The following TYW1 variants were observed in gnomAD, a reference collection of about 807,000 sequenced individuals.
The protein encoded by TYW1 is tRNA-yW synthesizing protein 1 homolog.
In TYW1, 46 loss-of-function variants were observed where a neutral mutation model predicts 96.2. The observed-to-expected ratio is 0.48, with a 90% confidence interval of 0.38 to 0.61. The LOEUF (loss-of-function observed/expected upper bound fraction) is 0.61. Ranked by LOEUF, TYW1 falls within the 20% of genes least tolerant of loss-of-function variation. The pLI, the probability that TYW1 is intolerant of heterozygous loss-of-function variation, is 0.00. For missense variants in TYW1, 684 were observed against 909.6 expected (o/e 0.75, Z 3.19); for synonymous variants, 274 against 323.0 (o/e 0.85, Z 1.63).
At position 67,183,266 on chromosome 7, in the gene TYW1, G is replaced by C; in HGVS notation, c.1809+30G>C. 5 of 1,574,922 alleles carry C rather than the reference G, an allele frequency of 3.2e-6. No homozygotes were observed. The South Asian group carries it at 4.7e-5, about 15-fold the overall frequency. On this transcript the variant is annotated intron_variant, in intron 14 of 15. Coordinates refer to ENST00000359626, the MANE Select transcript of TYW1 (RefSeq NM_018264.4). ...GCCCCTGCTGACTCTGGTGGCTGTG[G>C]TGGAGTGACAAAGAATCGTGGTGCT...
intron 7 of TYW1, among the ~76,000 whole-genome samples, chr7:67,044,359 A>C (rs1162778198): frequency 6.6e-6 from 1 of 152,038 alleles, no homozygotes; most frequent in Non-Finnish European, 1.5e-5. Flanking sequence ...CAGCCTCCCA[A>C]AGTGCTGGGA....
intron 8 of TYW1, among the ~76,000 whole-genome samples, chr7:67,052,600 C>T (rs890510337): frequency 5.3e-5 from 8 of 152,244 alleles, no homozygotes; most frequent in Non-Finnish European, 1.2e-4. Flanking sequence ...TTTGTCATTT[C>T]TGGATCAGCT....
intron 13 of TYW1, among the ~76,000 whole-genome samples, chr7:67,122,897 C>A (rs930199575): frequency 5.3e-5 from 8 of 152,160 alleles, no homozygotes; most frequent in Admixed American, 3.9e-4. Flanking sequence ...CACTTTTGAA[C>A]ATTTTGAAAA....
chr7:67,068,312 G>A (rs542149496), intron 10 of TYW1, among the ~76,000 whole-genome samples: 4 of 152,176 alleles, frequency 2.6e-5, no homozygotes, highest in East Asian at 1.9e-4. Flanking sequence ...GTGAGCCACC[G>A]CACCCAGCCT....
At chr7:67,007,927 G>T (rs1242889472) in intron 3 of TYW1, among the ~76,000 whole-genome samples, 2 of 152,044 alleles carry the variant, frequency 1.3e-5, no homozygotes, top group Non-Finnish European at 2.9e-5. Flanking sequence ...GAGCCACCAC[G>T]CCTGGCCAAC....
At chr7:67,181,685 G>C (rs1449663078) in intron 13 of TYW1, among the ~76,000 whole-genome samples, 1 of 151,722 alleles carries the variant, frequency 6.6e-6, no homozygotes, top group Non-Finnish European at 1.5e-5. Context: ...GTGTTACCTG[G>C]GCATTTGCTA....
intron 15 of TYW1, among the ~76,000 whole-genome samples, chr7:67,209,327 C>G (rs1021874230): frequency 1.5e-4 from 23 of 152,284 alleles, no homozygotes; most frequent in Admixed American, 9.8e-4. Context: ...TCAGCTGTTT[C>G]TGGGCTTTCA....
chr7:67,206,750 A>C (rs1800814581), intron 15 of TYW1, among the ~76,000 whole-genome samples: 2 of 152,226 alleles, frequency 1.3e-5, no homozygotes, highest in South Asian at 2.1e-4. Flanking sequence ...AGAATACACT[A>C]AAATGATCAT....
intron 6 of TYW1, among the ~76,000 whole-genome samples, chr7:67,021,360 A>C (rs1424940427): frequency 2.6e-5 from 4 of 152,252 alleles, no homozygotes; most frequent in Non-Finnish European, 4.4e-5. Context: ...TTTATTCTCC[A>C]TCTGCTGGTA....
In TYW1 at chr7:66,996,872, G is replaced by A; in HGVS notation, c.-107G>A. The A allele has an allele frequency of 1.9e-6, 3 of 1,584,308 alleles. No homozygotes were observed. The highest frequency in any genetic ancestry group is 1.3e-5 in the African/African-American group (1 of 74,558). ...GCTGCCCACAGGTCTGCAGGCACTC[G>A]GTACGCCGCTAACGCGGCGAGGTAG... is the stretch of plus-strand genomic sequence containing the variant. On this transcript the variant is annotated 5_prime_UTR_variant, in exon 1 of 16. Coordinates refer to ENST00000359626, the MANE Select transcript of TYW1 (RefSeq NM_018264.4).
chr7:67,006,253 CCTT>C (rs1204030396), intron 3 of TYW1, among the ~76,000 whole-genome samples: 1 of 151,984 alleles, frequency 6.6e-6, no homozygotes, highest in African/African-American at 2.4e-5. Flanking sequence ...GGCACTGCCT[CCTT>C]CTCTCTCTTG....
intron 13 of TYW1, among the ~76,000 whole-genome samples, chr7:67,129,222 G>A (rs1462783787): frequency 6.6e-6 from 1 of 152,188 alleles, no homozygotes; most frequent in Non-Finnish European, 1.5e-5. Context: ...TTTCTCCTGG[G>A]AGCAGACCTT....
Position 67,089,199 on chromosome 7 carries a change from C to A in TYW1, c.1384+5660C>A. On this transcript the variant is annotated intron_variant, in intron 11 of 15. Coordinates refer to ENST00000359626, the MANE Select transcript of TYW1 (RefSeq NM_018264.4). ...ACCCCTCCCTCGCCACCCCTTTCCC[C>A]CTTATATATTTATAATCTATATACA... 3.5e-6 allele frequency: 3 copies of A among 847,572 alleles called. No individual in the cohort carries two copies. The East Asian group carries it at 9.8e-5, about 28-fold the overall frequency. 52.5% of individuals were successfully genotyped at this position (847,572 alleles called of 1,614,324 possible).
At chr7:67,102,271 G>A (rs187607116) in intron 12 of TYW1, among the ~76,000 whole-genome samples, 4 of 152,258 alleles carry the variant, frequency 2.6e-5, no homozygotes, top group Non-Finnish European at 4.4e-5. Context: ...ATATTTACCC[G>A]AAAACGTCCA....
chr7:67,228,718 C>T (rs1380802645), intron 15 of TYW1, among the ~76,000 whole-genome samples: 1 of 152,040 alleles, frequency 6.6e-6, no homozygotes, highest in Non-Finnish European at 1.5e-5. Flanking sequence ...ACTATGAGAC[C>T]TTTGTATGAT....
intron 10 of TYW1, among the ~76,000 whole-genome samples, chr7:67,068,709 T>G (rs1795947388): frequency 6.6e-6 from 1 of 152,204 alleles, no homozygotes; most frequent in Non-Finnish European, 1.5e-5. Context: ...TTGACACCTT[T>G]AAATACTTCA....
chr7:67,172,980 G>A (rs1360476997), intron 13 of TYW1, among the ~76,000 whole-genome samples: 2 of 151,960 alleles, frequency 1.3e-5, no homozygotes, highest in African/African-American at 4.8e-5. Context: ...AATTAACTGG[G>A]TATGGTGATG....
chr7:67,193,535 G>C (rs936769657), intron 14 of TYW1, among the ~76,000 whole-genome samples: 2 of 152,180 alleles, frequency 1.3e-5, no homozygotes, highest in Non-Finnish European at 2.9e-5. Flanking sequence ...GAGATGGGCA[G>C]ATCAATTGAG....
chr7:67,228,192 C>T lies in TYW1; in HGVS notation c.1978-10116C>T, dbSNP rs574886651. Among the ~76,000 whole-genome samples the T allele has an allele frequency of 6.9e-4, 105 of 152,196 alleles. 2 individuals carry two copies. The South Asian group carries it at 0.021, about 30-fold the overall frequency. ...TCTCACGCTGCTGATAAAGACATAC[C>T]TGAGATTGGGTAATTTATAAGAAAA... is the stretch of plus-strand genomic sequence containing the variant. On this transcript the variant is annotated intron_variant, in intron 15 of 15. Transcript: ENST00000359626.
Sources: gnomAD v4.1 joint callset for allele counts (sites outside exome capture counted in the v4.1 genomes callset) on GRCh38, gnomAD v4.1.1 for gene constraint, MANE v1.5 for transcripts, NCBI Gene and HGNC (gene_info 2026-07-23, HGNC 2026-07-21) for gene names.